Variants in CNN2 observed in about 807,000 individuals in gnomAD.
The protein encoded by CNN2 is calponin-2.
CNN2 carries 21 observed loss-of-function variants against 31.0 expected under a neutral mutation model. The observed-to-expected ratio is 0.68, with a 90% CI of 0.48 to 0.98. The LOEUF (loss-of-function observed/expected upper bound fraction) is 0.98. Ranked by LOEUF, CNN2 falls within the 50% of genes least tolerant of loss-of-function variation. The pLI is 0.00. For synonymous variants in CNN2, 165 were observed against 179.6 expected (o/e 0.92, Z 0.65); for missense variants, 399 against 427.3 (o/e 0.93, Z 0.58).
chr19:1,030,972 G>T, intron 1 of CNN2, 99 bp from the exon 2 acceptor site: 1 of 1,432,664 alleles, frequency 7.0e-7, no homozygotes, highest in South Asian at 1.4e-5. Context: ...ATCTGCTGTT[G>T]CCCTGGAGTC....
intron 4 of CNN2, among the ~76,000 whole-genome samples, chr19:1,035,794 C>A (rs946132371): frequency 6.6e-6 from 1 of 152,142 alleles, no homozygotes; most frequent in Non-Finnish European, 1.5e-5. Context: ...TGGTGGCACA[C>A]GCCTGTAATC....
At chr19:1,030,716 AGTG>A (rs1337135567) in intron 1 of CNN2, among the ~76,000 whole-genome samples, 2 of 152,308 alleles carry the variant, frequency 1.3e-5, no homozygotes, top group African/African-American at 4.8e-5. Context: ...AGGTGGTTGA[AGTG>A]GTAAACGTCA....
At position 1,032,636 on chromosome 19, in the gene CNN2, C is replaced by T. The variant is rs2039517787; in HGVS notation, c.330C>T (p.Asp110=). The change falls in exon 4 of 7, where the codon GAC becomes GAT. Residue 110 remains aspartate, a synonymous_variant. Transcript: ENST00000263097. ...MNPVDLFEAN[D]LFESGNMTQV... Reference sequence around the variant, plus strand: ...CTGTGGACCTGTTCGAGGCCAACGACCTGTTTGAGAGTGGGAACATGACGC... The same window carrying T: ...CTGTGGACCTGTTCGAGGCCAACGATCTGTTTGAGAGTGGGAACATGACGC... The T allele has an allele frequency of 1.2e-6, 2 of 1,612,692 alleles. No individual in the cohort carries two copies. Among genetic ancestry groups the T allele is most frequent in the Middle Eastern group, 1.9e-4 (1 of 5,366 alleles).
Position 1,030,945 on chromosome 19 carries a change from G to A in CNN2, c.64-126G>A, listed in dbSNP as rs961238419. ...CATCTGCGTGGGTGTGGTGAGGGGG[G>A]ACCTCCAGGCCGCTCTATCTGCTGT... On this transcript the variant is annotated intron_variant, in intron 1 of 6. Transcript: ENST00000263097. 58 of 1,219,898 alleles carry A rather than the reference G, an allele frequency of 4.8e-5. No individual in the cohort carries two copies. In the East Asian group the frequency reaches 1.4e-3, roughly 29 times the overall value. 75.6% of individuals were successfully genotyped at this position (1,219,898 alleles called of 1,614,324 possible). A position where few individuals can be genotyped will look rare whatever the true frequency, so the allele number is the denominator to read the frequency against.
chr19:1,038,027 G>C lies in CNN2; in HGVS notation c.*127G>C. ...GCCAGTCAACCAAGGGTCTGTGAGT[G>C]TCAGCGTGGGATCAGGCAGCAGAGC... On this transcript the variant is annotated 3_prime_UTR_variant, in exon 7 of 7. Coordinates refer to ENST00000263097, the MANE Select transcript of CNN2 (RefSeq NM_004368.4). 1 of 964,352 alleles carries C rather than the reference G, an allele frequency of 1.0e-6. No individual in the cohort carries two copies. The highest frequency in any genetic ancestry group is 1.5e-6 in the Non-Finnish European group (1 of 663,790). The allele number at this position is 964,352 out of a possible 1,614,324, so 59.7% of individuals were successfully genotyped here. A position where few individuals can be genotyped will look rare whatever the true frequency, so the allele number is the denominator to read the frequency against.
intron 4 of CNN2, among the ~76,000 whole-genome samples, chr19:1,035,353 G>A (rs1373099951): frequency 6.6e-6 from 1 of 152,086 alleles, no homozygotes; most frequent in Admixed American, 6.5e-5. Flanking sequence ...GCGGGAGCTG[G>A]TTTTCTCCTG....
chr19:1,032,599 A>G lies in CNN2; in HGVS notation c.293A>G (p.Tyr98Cys). The G allele has an allele frequency of 6.2e-7, 1 of 1,613,114 alleles. No homozygotes were observed. The highest frequency in any genetic ancestry group is 8.5e-7 in the Non-Finnish European group (1 of 1,180,000). The change falls in exon 4 of 7, where the codon TAC becomes TGC. Residue 98 changes from tyrosine (Y) to cysteine (C), a missense_variant. Coordinates refer to ENST00000263097, the MANE Select transcript of CNN2 (RefSeq NM_004368.4). ...AACTTCATCAAGGCCATGGTCAGCT[A>G]CGGCATGAACCCTGTGGACCTGTTC... ...LSNFIKAMVS[Y>C]GMNPVDLFEA...
At chr19:1,036,829 C>CT (rs748216725) in intron 6 of CNN2, 207 of 546,826 alleles carry the variant, frequency 3.8e-4, no homozygotes, top group Middle Eastern at 6.6e-4. Flanking sequence ...CCACCCAATT[C>CT]TTTTTTTTTA....
At chr19:1,032,253 AGT>A in intron 2 of CNN2, 137 bp from the exon 3 acceptor site, 1 of 816,450 alleles carries the variant, frequency 1.2e-6, no homozygotes, top group Non-Finnish European at 1.9e-6. Context: ...AAAAAAAAAG[AGT>A]GGAAACTGAG....
chr19:1,036,271 AGGGACCACGGCATTGG>A (rs773452479), intron 5 of CNN2, 25 bp downstream of exon 5: 15 of 1,569,058 alleles, frequency 9.6e-6, no homozygotes, highest in Admixed American at 3.5e-5. Context: ...CCCCAGCCCC[AGGGACCACGGCATTGG>A]GGGACCACGG....
chr19:1,033,608 G>A (rs989100162), intron 4 of CNN2, among the ~76,000 whole-genome samples: 14 of 152,148 alleles, frequency 9.2e-5, no homozygotes, highest in Non-Finnish European at 1.6e-4. Flanking sequence ...AACCCAGACC[G>A]GGAGCGTGGG....
chr19:1,029,027 A>G (rs2144615020), intron 1 of CNN2, among the ~76,000 whole-genome samples: 1 of 150,512 alleles, frequency 6.6e-6, no homozygotes. Context: ...ACCCTATCCC[A>G]AATAATCCCA....
At chr19:1,028,656 T>C (rs1429347107) in intron 1 of CNN2, among the ~76,000 whole-genome samples, 1 of 151,246 alleles carries the variant, frequency 6.6e-6, no homozygotes, top group Non-Finnish European at 1.5e-5. Flanking sequence ...TCCTGGCAGT[T>C]TGTGGTGAAC....
Position 1,038,254 on chromosome 19 carries a change from G to T in CNN2, c.*354G>T. The T allele has an allele frequency of 4.0e-6, 1 of 248,228 alleles. No individual in the cohort carries two copies. 15.4% of individuals were successfully genotyped at this position (248,228 alleles called of 1,614,324 possible). A position where few individuals can be genotyped will look rare whatever the true frequency, so the allele number is the denominator to read the frequency against. On this transcript the variant is annotated 3_prime_UTR_variant, in exon 7 of 7. Coordinates refer to ENST00000263097, the MANE Select transcript of CNN2 (RefSeq NM_004368.4). ...TCGCCTCTTCCCCCTTTTGTCAGCT[G>T]AGCAGTTTGTGGTTTCTATGCCCGC...
intron 4 of CNN2, among the ~76,000 whole-genome samples, chr19:1,033,626 GT>G (rs2039535841): frequency 7.1e-6 from 1 of 141,200 alleles, no homozygotes; most frequent in African/African-American, 2.6e-5. Context: ...GGGTGGGACA[GT>G]GGTGTAGACC....
At chr19:1,035,733 G>GC (rs2039571235) in intron 4 of CNN2, among the ~76,000 whole-genome samples, 1 of 152,008 alleles carries the variant, frequency 6.6e-6, no homozygotes, top group African/African-American at 2.4e-5. Flanking sequence ...GACCAGCCTG[G>GC]CAACATGGTG....
Position 1,026,647 on chromosome 19 carries a change from G to A in CNN2, c.-15G>A, listed in dbSNP as rs767765420. ...CCGTCCTGTGCGGCCCCGTCCCGCC[G>A]CCCGCCCGCCAGCCATGAGCTCCAC... On this transcript the variant is annotated 5_prime_UTR_variant, in exon 1 of 7. Transcript: ENST00000263097. 34 of 1,530,414 alleles carry A rather than the reference G, an allele frequency of 2.2e-5. No homozygotes were observed. Among genetic ancestry groups the A allele is most frequent in the Non-Finnish European group, 2.9e-5 (33 of 1,139,338 alleles). The allele number at this position is 1,530,414 out of a possible 1,614,324, so 94.8% of individuals were successfully genotyped here.
chr19:1,027,097 TG>T (rs1238948112), intron 1 of CNN2: 21 of 197,730 alleles, frequency 1.1e-4, no homozygotes, highest in South Asian at 2.9e-4. Context: ...TCTGGGGGTC[TG>T]GGGGGGACCC....
intron 1 of CNN2, among the ~76,000 whole-genome samples, chr19:1,027,263 G>T (rs987474972): frequency 6.6e-6 from 1 of 152,268 alleles, no homozygotes; most frequent in Non-Finnish European, 1.5e-5. Context: ...GTCTTGGGGG[G>T]AGGGGCGGTA....
Sources: allele counts gnomAD v4.1 joint callset (sites outside exome capture counted in the v4.1 genomes callset), GRCh38; gene constraint gnomAD v4.1.1; transcripts MANE v1.5; gene names NCBI Gene and HGNC (gene_info 2026-07-23, HGNC 2026-07-21).